PDGFD: variants seen among roughly 807,000 people sequenced by gnomAD.
The protein encoded by PDGFD is platelet-derived growth factor D.
In PDGFD, 30 loss-of-function variants were observed where a neutral mutation model predicts 44.7. That is an observed-to-expected ratio of 0.67 (90% CI 0.50 to 0.91). PDGFD has a LOEUF of 0.91. PDGFD is among the 40% of genes least tolerant of loss of function. The pLI is 0.00. For missense variants in PDGFD, 445 were observed against 457.8 expected (o/e 0.97, Z 0.25); for synonymous variants, 173 against 168.4 (o/e 1.03, Z -0.21).
chr11:104,094,955 C>G (rs995952294), intron 1 of PDGFD, among the ~76,000 whole-genome samples: 17 of 152,152 alleles, frequency 1.1e-4, no homozygotes, highest in Admixed American at 5.9e-4. Context: ...AACCCTGCTT[C>G]CAGTTCACGA....
intron 1 of PDGFD, among the ~76,000 whole-genome samples, chr11:104,096,241 C>CAA (rs11373323): frequency 0.011 from 1,610 of 150,566 alleles, 24 homozygotes; most frequent in African/African-American, 0.036. Context: ...ATTTTTCCTG[C>CAA]AAAAAAAAAC....
intron 3 of PDGFD, among the ~76,000 whole-genome samples, chr11:103,971,820 C>T (rs77120405): frequency 9.3e-4 from 141 of 152,290 alleles, no homozygotes; most frequent in African/African-American, 2.9e-3. Context: ...GTAACATTGA[C>T]TACATCCTCA....
chr11:104,139,996 C>A (rs1591183382), intron 1 of PDGFD, among the ~76,000 whole-genome samples: 1 of 29,088 alleles, frequency 3.4e-5, no homozygotes, highest in Non-Finnish European at 6.1e-5. Context: ...GGAAGTGGAG[C>A]TTGCAGTGAG....
At chr11:104,007,157 G>T (rs998950466) in intron 1 of PDGFD, among the ~76,000 whole-genome samples, 1 of 152,158 alleles carries the variant, frequency 6.6e-6, no homozygotes, top group Non-Finnish European at 1.5e-5. Context: ...AGTCCTATGC[G>T]GGGGATCAGG....
At chr11:104,160,878 C>T (rs1862378697) in intron 1 of PDGFD, among the ~76,000 whole-genome samples, 1 of 152,142 alleles carries the variant, frequency 6.6e-6, no homozygotes, top group South Asian at 2.1e-4. Context: ...AGCAGACTAT[C>T]ATTCGACAAC....
chr11:104,046,019 T>C (rs1363599725), intron 1 of PDGFD, among the ~76,000 whole-genome samples: 1 of 146,930 alleles, frequency 6.8e-6, no homozygotes, highest in Non-Finnish European at 1.5e-5. Flanking sequence ...TATGTTGCCA[T>C]GGAAGCAGAA....
intron 1 of PDGFD, among the ~76,000 whole-genome samples, chr11:104,148,189 A>G (rs576989073): frequency 3.9e-5 from 6 of 152,330 alleles, no homozygotes; most frequent in African/African-American, 1.2e-4. Context: ...TGTTGATATA[A>G]TAATAAAATA....
rs78001841 is a variant in PDGFD, at chr11:104,132,121, T to C, written c.124+31683A>G. 6.8e-3 allele frequency among the ~76,000 whole-genome samples: 1,034 copies of C among 152,216 alleles called. 14 individuals are homozygous for C. Among genetic ancestry groups the C allele is most frequent in the African/African-American group, 0.023 (971 of 41,560 alleles). ...AGATAGTGTTAGATAAAACTCTCTC[T>C]TTTTATTTAATTGTATGAAATTCAT... On this transcript the variant is annotated intron_variant, in intron 1 of 6. Transcript: ENST00000393158.
rs1472120759 is a variant in PDGFD, at chr11:103,907,309, C to G, written c.*2385G>C. On this transcript the variant is annotated 3_prime_UTR_variant, in exon 7 of 7. Transcript: ENST00000393158. Reference sequence around the variant, plus strand: ...GATATGACAAAAAACATAAAAAACTCTACTTATGAAAGTGTTTTGCCCTAT... The same window carrying G: ...GATATGACAAAAAACATAAAAAACTGTACTTATGAAAGTGTTTTGCCCTAT... 1.3e-5 allele frequency: 2 copies of G among 152,158 alleles called. No individual in the cohort carries two copies. The highest frequency in any genetic ancestry group is 2.9e-5 in the Non-Finnish European group (2 of 68,032). The allele number at this position is 152,158 out of a possible 1,614,324, so 9.4% of individuals were successfully genotyped here. A position where few individuals can be genotyped will look rare whatever the true frequency, so the allele number is the denominator to read the frequency against.
intron 1 of PDGFD, among the ~76,000 whole-genome samples, chr11:104,005,142 G>C (rs767841060): frequency 1.3e-5 from 2 of 152,248 alleles, no homozygotes; most frequent in Admixed American, 1.3e-4. Flanking sequence ...GCCTCCTAAA[G>C]TGCTGGGATT....
intron 1 of PDGFD, among the ~76,000 whole-genome samples, chr11:104,043,209 A>C (rs1860387832): frequency 6.6e-6 from 1 of 152,194 alleles, no homozygotes; most frequent in Admixed American, 6.5e-5. Flanking sequence ...CACTAAATAC[A>C]ACAAGGAAGG....
intron 1 of PDGFD, among the ~76,000 whole-genome samples, chr11:104,065,004 T>C (rs1374069203): frequency 6.6e-6 from 1 of 152,118 alleles, no homozygotes; most frequent in Non-Finnish European, 1.5e-5. Context: ...CCACCCTCAA[T>C]CTGGGTAAGC....
At chr11:104,094,737 TCATTGACAAATACAA>T (rs1243197615) in intron 1 of PDGFD, among the ~76,000 whole-genome samples, 3 of 152,114 alleles carry the variant, frequency 2.0e-5, no homozygotes, top group African/African-American at 7.2e-5. Flanking sequence ...ATCATCCCAT[TCATTGACAAATACAA>T]CAGTCTCCAA....
intron 6 of PDGFD, among the ~76,000 whole-genome samples, chr11:103,914,883 G>C (rs556117366): frequency 1.8e-4 from 28 of 152,276 alleles, no homozygotes; most frequent in Non-Finnish European, 2.6e-4. Context: ...AAAGGCCTTT[G>C]TCAAAATTCA....
intron 1 of PDGFD, among the ~76,000 whole-genome samples, chr11:104,049,423 A>G (rs1860492098): frequency 6.6e-6 from 1 of 152,212 alleles, no homozygotes; most frequent in Non-Finnish European, 1.5e-5. Context: ...GTAATCTAGA[A>G]GGGCTAGATT....
Position 104,069,785 on chromosome 11 carries a change from G to T in PDGFD, c.125-69530C>A, listed in dbSNP as rs569382510. ...TGAGGCAGGAGAATGGCGTGAACCC[G>T]GGAGGCGGAGCTTGCAGTGAGTCTA... On this transcript the variant is annotated intron_variant, in intron 1 of 6. Transcript: ENST00000393158. Among the ~76,000 whole-genome samples, 3 of 152,332 alleles carry T rather than the reference G, an allele frequency of 2.0e-5. No individual in the cohort carries two copies. The East Asian group carries it at 5.8e-4, about 29-fold the overall frequency.
intron 5 of PDGFD, among the ~76,000 whole-genome samples, chr11:103,930,261 T>G (rs1326670349): frequency 1.3e-5 from 2 of 152,164 alleles, no homozygotes; most frequent in African/African-American, 4.8e-5. Context: ...GCACTTTTCC[T>G]TCTGCAGCCC....
intron 2 of PDGFD, among the ~76,000 whole-genome samples, chr11:103,999,621 T>C (rs1859588262): frequency 6.6e-6 from 1 of 152,132 alleles, no homozygotes; most frequent in South Asian, 2.1e-4. Flanking sequence ...AGTGCTGGCG[T>C]AATTCATTAT....
intron 1 of PDGFD, among the ~76,000 whole-genome samples, chr11:104,100,615 C>T: frequency 6.6e-6 from 1 of 152,122 alleles, no homozygotes; most frequent in Non-Finnish European, 1.5e-5. Flanking sequence ...CAGCATCATC[C>T]TGATACCAAA....
Sources: gnomAD v4.1 joint callset for allele counts (sites outside exome capture counted in the v4.1 genomes callset) on GRCh38, gnomAD v4.1.1 for gene constraint, MANE v1.5 for transcripts, NCBI Gene and HGNC (gene_info 2026-07-23, HGNC 2026-07-21) for gene names.